ROM1: variants seen among roughly 807,000 people sequenced by gnomAD.
ROM1 encodes rod outer segment membrane protein 1.
Under a neutral mutation model 23.0 loss-of-function variants are expected in ROM1, and 17 were observed. The ratio of observed to expected loss-of-function variants is 0.74; its 90% CI spans 0.51 to 1.11. The LOEUF (loss-of-function observed/expected upper bound fraction) is 1.11, where lower values mean the gene tolerates loss of function less well. ROM1 is among the 50% of genes least tolerant of loss of function. The pLI, the probability that ROM1 is intolerant of heterozygous loss-of-function variation, is 0.00. For synonymous variants in ROM1, 200 were observed against 206.5 expected, an observed-to-expected ratio of 0.97 and a Z score of 0.27; for missense variants, 436 against 439.7, an observed-to-expected ratio of 0.99 and a Z score of 0.08.
In ROM1 at chr11:62,613,788, C is replaced by G. The variant is rs769306477; in HGVS notation, c.507C>G (p.Cys169Trp). ...AGCTGCAACTGAGGTACCACTGCTG[C>G]GGGCGCCACGGGTACAAGGATTGGT... ...VDELQLRYHC[C>W]GRHGYKDWFG... The change falls in exon 1 of 3, where the codon TGC becomes TGG. Residue 169 changes from cysteine (C) to tryptophan (W), a missense_variant. Cys to Trp is a radical substitution (Grantham distance 215). Transcript: ENST00000278833. 6.2e-7 allele frequency: 1 copy of G among 1,614,168 alleles called. No homozygotes were observed. The highest frequency in any genetic ancestry group is 1.7e-5 in the Admixed American group (1 of 60,026).
chr11:62,613,480 C>G lies in ROM1; in HGVS notation c.199C>G (p.Leu67Val), dbSNP rs779622951. ...GTTCCCTGTCCTGCCCCAGGCTGCC[C>G]TGGCAGCGGGCGCGGTGGCTCTGGG... ...CQFPVLPQAA[L>V]AAGAVALGTG... Residue 67 changes from leucine to valine, a missense_variant, in exon 1 of 3, where the codon CTG (leucine) becomes GTG (valine). Coordinates refer to ENST00000278833, the MANE Select transcript of ROM1 (RefSeq NM_000327.4). The G allele has an allele frequency of 1.5e-5, 25 of 1,613,434 alleles. No homozygotes were observed. Among genetic ancestry groups the G allele is most frequent in the African/African-American group, 5.3e-5 (4 of 74,928 alleles).
Position 62,615,108 on chromosome 11 carries a change from T to G in ROM1, c.*269T>G. The G allele has an allele frequency of 2.0e-6, 1 of 497,508 alleles. No homozygotes were observed. Among genetic ancestry groups the G allele is most frequent in the Non-Finnish European group, 3.6e-6 (1 of 276,056 alleles). 30.8% of individuals were successfully genotyped at this position (497,508 alleles called of 1,614,324 possible). A position where few individuals can be genotyped will look rare whatever the true frequency, so the allele number is the denominator to read the frequency against. On this transcript the variant is annotated 3_prime_UTR_variant, in exon 3 of 3. Coordinates refer to ENST00000278833, the MANE Select transcript of ROM1 (RefSeq NM_000327.4). Reference sequence around the variant, plus strand: ...TCTGATATAGACTCAATAAAGTTTTTGGATGGAAGCAATTGCTTTTTCTTG... The same window carrying G: ...TCTGATATAGACTCAATAAAGTTTTGGGATGGAAGCAATTGCTTTTTCTTG...
chr11:62,613,822 C>T lies in ROM1; in HGVS notation c.541C>T (p.Gln181Ter). The change falls in exon 1 of 3, where the codon CAG (glutamine) becomes TAG (stop). Residue 181 changes from glutamine to a stop codon, truncating the protein, a stop_gained. Coordinates refer to ENST00000278833, the MANE Select transcript of ROM1 (RefSeq NM_000327.4). LOFTEE classifies it high-confidence loss of function. ...CGGGTACAAGGATTGGTTTGGGGTC[C>T]AGTGGGTCAGCAGCCGTTACCTGGA... ...RHGYKDWFGV[Q>*]WVSSRYLDPG... 6.2e-7 allele frequency: 1 copy of T among 1,614,066 alleles called. No homozygotes were observed. Among genetic ancestry groups the T allele is most frequent in the Non-Finnish European group, 8.5e-7 (1 of 1,179,970 alleles).
chr11:62,613,792 C>A lies in ROM1; in HGVS notation c.511C>A (p.Arg171Ser). The A allele has an allele frequency of 5.6e-6, 9 of 1,614,196 alleles. No homozygotes were observed. Among genetic ancestry groups the A allele is most frequent in the Non-Finnish European group, 7.6e-6 (9 of 1,180,022 alleles). The change falls in exon 1 of 3, where the codon CGC (arginine) becomes AGC (serine). Residue 171 changes from arginine (R) to serine (S), a missense_variant. Arg to Ser is a moderately radical substitution (Grantham distance 110). Coordinates refer to ENST00000278833, the MANE Select transcript of ROM1 (RefSeq NM_000327.4). ...ELQLRYHCCG[R>S]HGYKDWFGVQ... is the part of the protein sequence containing the mutation. ...GCAACTGAGGTACCACTGCTGCGGG[C>A]GCCACGGGTACAAGGATTGGTTTGG... is the stretch of plus-strand genomic sequence containing the variant.
rs781395042 is a variant in ROM1, at chr11:62,613,269, GC to G, written c.-12del. The G allele has an allele frequency of 7.6e-6, 12 of 1,586,022 alleles. No homozygotes were observed. In the South Asian group the frequency reaches 1.4e-4, roughly 18 times the overall value. ...CCCTGACACCTCTGCATTCCCTTGG[GC>G]AGAGATGGGAGATGGCGCCGGTGTT... On this transcript the variant is annotated 5_prime_UTR_variant, in exon 1 of 3. Transcript: ENST00000278833.
chr11:62,614,980 G>C lies in ROM1; in HGVS notation c.*141G>C, dbSNP rs1002271199. 5 of 693,266 alleles carry C rather than the reference G, an allele frequency of 7.2e-6. No individual in the cohort carries two copies. In the African/African-American group the frequency reaches 9.0e-5, roughly 12 times the overall value. 42.9% of individuals were successfully genotyped at this position (693,266 alleles called of 1,614,324 possible). On this transcript the variant is annotated 3_prime_UTR_variant, in exon 3 of 3. Coordinates refer to ENST00000278833, the MANE Select transcript of ROM1 (RefSeq NM_000327.4). ...CAGCGAGCTGGACTGGGGTAAGAAAGAAAACCAGATGTCCTAGGGCCTAGC... is the reference window on the plus strand; with the variant it reads ...CAGCGAGCTGGACTGGGGTAAGAAACAAAACCAGATGTCCTAGGGCCTAGC...
chr11:62,614,097 A>G (rs1393255841), intron 1 of ROM1, among the ~76,000 whole-genome samples, 161 bp from the exon 2 acceptor site: 1 of 152,116 alleles, frequency 6.6e-6, no homozygotes, highest in African/African-American at 2.4e-5. Flanking sequence ...CTTATCTGAT[A>G]GAGTTGTTGT....
chr11:62,613,611 T>TGG lies in ROM1; in HGVS notation c.338_339dup (p.Leu114GlyfsTer9), dbSNP rs71458427. 4 of 1,580,802 alleles carry TGG rather than the reference T, an allele frequency of 2.5e-6. No homozygotes were observed. The highest frequency in any genetic ancestry group is 2.7e-5 in the African/African-American group (2 of 73,806). The stretch of plus-strand genomic sequence containing the variant: ...CGCTGCTGGTGGCTGGCACGGCTGG[T>TGG]GGGGGGGGGCTCCTGGTCGTCGGCC... On this transcript the variant is annotated frameshift_variant, in exon 1 of 3. Coordinates refer to ENST00000278833, the MANE Select transcript of ROM1 (RefSeq NM_000327.4). LOFTEE classifies it high-confidence loss of function.
chr11:62,613,410 G>T lies in ROM1; in HGVS notation c.129G>T (p.Leu43=). Residue 43 remains leucine, a synonymous_variant, in exon 1 of 3, where the codon CTG becomes CTT. Transcript: ENST00000278833. ...TCCTCCTCTGTAGTGGGCACCTCCT[G>T]GTCCAGCTAAGGCACCTTGGCACCT... ...GVILLCSGHL[L]VQLRHLGTFL... is the part of the protein sequence containing the mutation. 6.2e-7 allele frequency: 1 copy of T among 1,613,320 alleles called. No homozygotes were observed. Among genetic ancestry groups the T allele is most frequent in the Non-Finnish European group, 8.5e-7 (1 of 1,179,674 alleles).
chr11:62,615,071 C>T lies in ROM1; in HGVS notation c.*232C>T, dbSNP rs964773980. On this transcript the variant is annotated 3_prime_UTR_variant, in exon 3 of 3. Coordinates refer to ENST00000278833, the MANE Select transcript of ROM1 (RefSeq NM_000327.4). ...TGATGGGAAAGTGACATGAGAAGGC[C>T]TGGAGGCTGATTCTGATATAGACTC... is the stretch of plus-strand genomic sequence containing the variant. 1.7e-6 allele frequency: 1 copy of T among 574,592 alleles called. No individual in the cohort carries two copies. The highest frequency in any genetic ancestry group is 1.9e-5 in the African/African-American group (1 of 53,426). The allele number at this position is 574,592 out of a possible 1,614,324, so 35.6% of individuals were successfully genotyped here.
At position 62,613,780 on chromosome 11, in the gene ROM1, C is replaced by T. The variant is rs1942958657; in HGVS notation, c.499C>T (p.His167Tyr). The T allele has an allele frequency of 9.3e-6, 15 of 1,614,204 alleles. No individual in the cohort carries two copies. The highest frequency in any genetic ancestry group is 1.3e-5 in the Non-Finnish European group (15 of 1,180,028). The change falls in exon 1 of 3, where the codon CAC becomes TAC. Residue 167 changes from histidine to tyrosine, a missense_variant. Physicochemically the swap from His to Tyr is moderately conservative, Grantham distance 83 (BLOSUM62 2). Coordinates refer to ENST00000278833, the MANE Select transcript of ROM1 (RefSeq NM_000327.4). ...RLVDELQLRY[H>Y]CCGRHGYKDW... ...GGTGGATGAGCTGCAACTGAGGTACCACTGCTGCGGGCGCCACGGGTACAA... is the reference window on the plus strand; with the variant it reads ...GGTGGATGAGCTGCAACTGAGGTACTACTGCTGCGGGCGCCACGGGTACAA...
rs776275892 is a variant in ROM1, at chr11:62,614,827, A to G, written c.1044A>G (p.Leu348=). The G allele has an allele frequency of 8.7e-6, 14 of 1,613,728 alleles. No homozygotes were observed. The African/African-American group carries it at 1.1e-4, about 12-fold the overall frequency. The change falls in exon 3 of 3, where the codon CTA becomes CTG. Residue 348 remains leucine (L), a synonymous_variant. Coordinates refer to ENST00000278833, the MANE Select transcript of ROM1 (RefSeq NM_000327.4). ...GAGAAGCACCTCCCAAGGAGGATCTATCTGAGGCCTAGAGGCCTGGAGCTT... is the reference window on the plus strand; with the variant it reads ...GAGAAGCACCTCCCAAGGAGGATCTGTCTGAGGCCTAGAGGCCTGGAGCTT... The part of the protein sequence containing the change: ...PPGEAPPKED[L]SEA
chr11:62,614,502 C>T lies in ROM1; in HGVS notation c.835C>T (p.Gln279Ter), dbSNP rs1942980947. ...CATGCTGGCTGTCACCTTCCTACTGCAGGTGAGTCAGCAAAGCATCTGACA... is the reference window on the plus strand; with the variant it reads ...CATGCTGGCTGTCACCTTCCTACTGTAGGTGAGTCAGCAAAGCATCTGACA... ...GSMLAVTFLL[Q>*]ALVLLGLRYL... The change falls in exon 2 of 3, where the codon CAG becomes TAG. Residue 279 changes from glutamine (Q) to a stop codon, truncating the protein, a stop_gained and splice_region_variant. Coordinates refer to ENST00000278833, the MANE Select transcript of ROM1 (RefSeq NM_000327.4). LOFTEE classifies it high-confidence loss of function. 5 of 1,613,996 alleles carry T rather than the reference C, an allele frequency of 3.1e-6. No homozygotes were observed. The highest frequency in any genetic ancestry group is 4.2e-6 in the Non-Finnish European group (5 of 1,180,024).
Position 62,614,425 on chromosome 11 carries a change from G to A in ROM1, c.758G>A (p.Cys253Tyr), listed in dbSNP as rs754327721. ...AACCAAAACCTCTGGGCCCAAGGGT[G>A]CCATGAGGTGCTGCTGGAGCACTTG... is the stretch of plus-strand genomic sequence containing the variant. Reference protein sequence around the residue: ...QPNQNLWAQGCHEVLLEHLQD... With the variant: ...QPNQNLWAQGYHEVLLEHLQD... The change falls in exon 2 of 3, where the codon TGC becomes TAC. Residue 253 changes from cysteine to tyrosine, a missense_variant. Transcript: ENST00000278833. The A allele has an allele frequency of 1.5e-5, 24 of 1,614,068 alleles. No homozygotes were observed. Among genetic ancestry groups the A allele is most frequent in the Admixed American group, 5.0e-5 (3 of 60,006 alleles).
Position 62,613,621 on chromosome 11 carries a change from C to A in ROM1, c.340C>A (p.Leu114Ile), listed in dbSNP as rs1406451413. The change falls in exon 1 of 3, where the codon CTC (leucine) becomes ATC (isoleucine). Residue 114 changes from leucine to isoleucine, a missense_variant. Physicochemically the swap from Leu to Ile is conservative, Grantham distance 5. Transcript: ENST00000278833. ...LVAGTAGGGG[L>I]LVVGLGLALA... ...GGCTGGCACGGCTGGTGGGGGGGGG[C>A]TCCTGGTCGTCGGCCTCGGGCTAGC... is the stretch of plus-strand genomic sequence containing the variant. The A allele has an allele frequency of 1.2e-6, 2 of 1,612,438 alleles. No individual in the cohort carries two copies. The highest frequency in any genetic ancestry group is 1.3e-5 in the African/African-American group (1 of 74,876).
chr11:62,613,477 G>C lies in ROM1; in HGVS notation c.196G>C (p.Ala66Pro). The change falls in exon 1 of 3, where the codon GCC becomes CCC. Residue 66 changes from alanine (A) to proline (P), a missense_variant. Physicochemically the swap from Ala to Pro is conservative, Grantham distance 27 (BLOSUM62 -1). Transcript: ENST00000278833. ...SCQFPVLPQA[A>P]LAAGAVALGT... is the part of the protein sequence containing the mutation. The stretch of plus-strand genomic sequence containing the variant: ...TCAGTTCCCTGTCCTGCCCCAGGCT[G>C]CCCTGGCAGCGGGCGCGGTGGCTCT... The C allele has an allele frequency of 6.2e-7, 1 of 1,613,522 alleles. No individual in the cohort carries two copies.
At position 62,615,094 on chromosome 11, in the gene ROM1, C is replaced by A; in HGVS notation, c.*255C>A. The A allele has an allele frequency of 1.9e-6, 1 of 532,994 alleles. No individual in the cohort carries two copies. Among genetic ancestry groups the A allele is most frequent in the Non-Finnish European group, 3.4e-6 (1 of 297,274 alleles). The allele number at this position is 532,994 out of a possible 1,614,324, so 33.0% of individuals were successfully genotyped here. On this transcript the variant is annotated 3_prime_UTR_variant, in exon 3 of 3. Coordinates refer to ENST00000278833, the MANE Select transcript of ROM1 (RefSeq NM_000327.4). ...GCCTGGAGGCTGATTCTGATATAGA[C>A]TCAATAAAGTTTTTGGATGGAAGCA... is the stretch of plus-strand genomic sequence containing the variant.
Position 62,613,837 on chromosome 11 carries a change from C to T in ROM1, c.556C>T (p.Arg186Cys), listed in dbSNP as rs201994615. 68 of 1,613,932 alleles carry T rather than the reference C, an allele frequency of 4.2e-5. 1 individual carries two copies. The highest frequency in any genetic ancestry group is 3.2e-4 in the South Asian group (29 of 91,086). ...GTTTGGGGTCCAGTGGGTCAGCAGC[C>T]GTTACCTGGATCCCGGTGACCGGGA... is the stretch of plus-strand genomic sequence containing the variant. ...DWFGVQWVSS[R>C]YLDPGDRDVA... is the part of the protein sequence containing the mutation. Residue 186 changes from arginine (R) to cysteine (C), a missense_variant, in exon 1 of 3, where the codon CGT (arginine) becomes TGT (cysteine). Arg to Cys is a radical substitution (Grantham distance 180). Transcript: ENST00000278833.
rs1801144 is a variant in ROM1, at chr11:62,614,336, G to C, written c.669G>C (p.Arg223=). 518,480 of 1,613,350 alleles carry C rather than the reference G, an allele frequency of 0.32. 89,263 individuals carry two copies. Among genetic ancestry groups the C allele is most frequent in the Non-Finnish European group, 0.36 (426,133 of 1,179,632 alleles). The change falls in exon 2 of 3, where the codon CGG becomes CGC. Residue 223 remains arginine (R), a synonymous_variant. Transcript: ENST00000278833. ...CCTGTTGCAACCCCCACTCACCCCG[G>C]CCTTGCCTGCAAAACCGTCTTTCAG... ...PFSCCNPHSP[R]PCLQNRLSDS...
Sources: allele counts gnomAD v4.1 joint callset (sites outside exome capture counted in the v4.1 genomes callset), GRCh38; gene constraint gnomAD v4.1.1; transcripts MANE v1.5; gene names NCBI Gene and HGNC (gene_info 2026-07-23, HGNC 2026-07-21).